ADI1: variants seen among roughly 807,000 people sequenced by gnomAD.
The protein encoded by ADI1 is acireductone dioxygenase 1, also known as acireductone dioxygenase.
In ADI1, 21 loss-of-function variants were observed where a neutral mutation model predicts 18.7. The observed-to-expected ratio is 1.13, with a 90% CI of 0.80 to 1.62. The LOEUF (loss-of-function observed/expected upper bound fraction) is 1.62, where lower values mean the gene tolerates loss of function less well. Among genes scored for constraint, ADI1 ranks in the 40% most tolerant of loss-of-function variants. ADI1 has a pLI of 0.00. For synonymous variants in ADI1, 90 were observed against 100.1 expected (o/e 0.90, Z 0.60); for missense variants, 245 against 254.9 (o/e 0.96, Z 0.26).
At chr2:3,516,849 CTG>C (rs1667420075) in intron 1 of ADI1, 1 of 985,232 alleles carries the variant, frequency 1.0e-6, no homozygotes, top group Admixed American at 6.1e-5. Context: ...TGTGTTACCT[CTG>C]TTAAAAATTA....
At chr2:3,500,724 T>A (rs770072595) in intron 3 of ADI1, 90 bp downstream of exon 3, 2 of 1,568,534 alleles carry the variant, frequency 1.3e-6, no homozygotes, top group East Asian at 2.3e-5. Context: ...GCGCTTGGAG[T>A]CTGCGGAAGC....
At chr2:3,514,837 T>C in intron 1 of ADI1, 2 of 1,549,062 alleles carry the variant, frequency 1.3e-6, no homozygotes, top group Non-Finnish European at 1.7e-6. Flanking sequence ...TTGCAGGAAG[T>C]CAGGGACCCC....
intron 3 of ADI1, 111 bp downstream of exon 3, chr2:3,500,703 G>T: frequency 7.1e-7 from 1 of 1,415,726 alleles, no homozygotes; most frequent in Non-Finnish European, 9.9e-7. Context: ...GGAGTCCCGA[G>T]CCCAGCGACC....
At chr2:3,513,813 A>C in intron 2 of ADI1, 44 bp downstream of exon 2, 2 of 1,562,756 alleles carry the variant, frequency 1.3e-6, no homozygotes, top group Non-Finnish European at 1.7e-6. Flanking sequence ...ATTAGTAGTG[A>C]ATATAATGAT....
chr2:3,509,893 C>T (rs1667259456), intron 2 of ADI1, among the ~76,000 whole-genome samples: 1 of 151,656 alleles, frequency 6.6e-6, no homozygotes, highest in South Asian at 2.1e-4. Flanking sequence ...CCTGTAATCC[C>T]AGCACTTTGG....
At chr2:3,510,216 G>A (rs1462230351) in intron 2 of ADI1, among the ~76,000 whole-genome samples, 2 of 151,812 alleles carry the variant, frequency 1.3e-5, no homozygotes, top group African/African-American at 2.4e-5. Flanking sequence ...TCAGGAGGCC[G>A]AAGTGGGAGG....
At chr2:3,519,305 G>C (rs1255337096) in intron 1 of ADI1, 63 bp downstream of exon 1, 1 of 1,338,964 alleles carries the variant, frequency 7.5e-7, no homozygotes, top group Non-Finnish European at 9.5e-7. Context: ...AGGAGGCTGG[G>C]CTGTGCGCGG....
rs1249168740 is a variant in ADI1, at chr2:3,513,887, G to A, written c.210C>T (p.Cys70=). 2.5e-6 allele frequency: 4 copies of A among 1,607,440 alleles called. No individual in the cohort carries two copies. The highest frequency in any genetic ancestry group is 3.4e-6 in the Non-Finnish European group (4 of 1,178,636). The change falls in exon 2 of 4, where the codon TGC becomes TGT. Residue 70 remains cysteine, a synonymous_variant. Transcript: ENST00000327435. ...CTTCATAATTTGGTAGTTTATCTTT[G>A]CATATGGTTATGATGTCCATCCAGG... The part of the protein sequence containing the change: ...NYSWMDIITI[C]KDKLPNYEEK...
intron 2 of ADI1, among the ~76,000 whole-genome samples, chr2:3,507,868 G>A (rs1667208750): frequency 6.6e-6 from 1 of 152,142 alleles, no homozygotes; most frequent in Non-Finnish European, 1.5e-5. Context: ...CAGCAACATT[G>A]TAAGAGATGG....
chr2:3,519,163 C>T (rs982018430), intron 1 of ADI1: 17 of 666,432 alleles, frequency 2.6e-5, no homozygotes, highest in African/African-American at 1.7e-4. Flanking sequence ...GCGCAGGAGG[C>T]CCTGACCACC....
At position 3,498,997 on chromosome 2, in the gene ADI1, C is replaced by T. The variant is rs1666928981; in HGVS notation, c.506G>A (p.Gly169Glu). 6.2e-7 allele frequency: 1 copy of T among 1,613,850 alleles called. No individual in the cohort carries two copies. Among genetic ancestry groups the T allele is most frequent in the African/African-American group, 1.3e-5 (1 of 74,926 alleles). Residue 169 changes from glycine to glutamate, a missense_variant, in exon 4 of 4, where the codon GGG (glycine) becomes GAG (glutamate). Transcript: ENST00000327435. ...CTGTGCCAGAAATTTCACGTACTGC[C>T]CGCGGGCTTCAAAATGGTCAGCGGG... ...NRPADHFEAR[G>E]QYVKFLAQTA
At chr2:3,510,736 G>GA (rs1667279721) in intron 2 of ADI1, among the ~76,000 whole-genome samples, 1 of 152,050 alleles carries the variant, frequency 6.6e-6, no homozygotes, top group Non-Finnish European at 1.5e-5. Flanking sequence ...GCTCATTCAA[G>GA]AAAAAATGGG....
intron 1 of ADI1, chr2:3,516,998 T>C: frequency 1.1e-6 from 1 of 941,494 alleles, no homozygotes; most frequent in Non-Finnish European, 1.3e-6. Flanking sequence ...AGTGCTGGGA[T>C]GACAGAAGCC....
intron 2 of ADI1, among the ~76,000 whole-genome samples, chr2:3,508,330 G>C (rs1667218423): frequency 1.9e-5 from 1 of 52,668 alleles, no homozygotes; most frequent in Middle Eastern, 0.019. Flanking sequence ...GTGAGACTCT[G>C]TCTCAAAAAA....
chr2:3,513,801 C>T lies in ADI1; in HGVS notation c.240+56G>A, dbSNP rs1667340973. ...AGAAAAAAGAAAGAAAATATTGCGTCTATTAGTAGTGAATATAATGATACT... is the reference window on the plus strand; with the variant it reads ...AGAAAAAAGAAAGAAAATATTGCGTTTATTAGTAGTGAATATAATGATACT... On this transcript the variant is annotated intron_variant, in intron 2 of 3. Transcript: ENST00000327435. 5.2e-6 allele frequency: 8 copies of T among 1,525,458 alleles called. 1 individual carries two copies. Among genetic ancestry groups the T allele is most frequent in the Non-Finnish European group, 7.0e-6 (8 of 1,139,512 alleles). The allele number at this position is 1,525,458 out of a possible 1,614,324, so 94.5% of individuals were successfully genotyped here.
intron 3 of ADI1, chr2:3,500,574 G>A (rs1201193520): frequency 1.7e-6 from 1 of 604,826 alleles, no homozygotes. Flanking sequence ...GCCTGGGTAT[G>A]AAATGCACAC....
At chr2:3,504,173 T>C (rs11127436) in intron 2 of ADI1, among the ~76,000 whole-genome samples, 76,352 of 152,084 alleles carry the variant, frequency 0.5, 22,411 homozygotes, top group African/African-American at 0.83. Context: ...ACATCAGCAG[T>C]GAGGGGCCCT....
rs752327437 is a variant in ADI1 at position 3,499,028 on chromosome 2, T to C, written c.475A>G (p.Asn159Asp). The change falls in exon 4 of 4, where the codon AAC (asparagine) becomes GAC (aspartate). Residue 159 changes from asparagine (N) to aspartate (D), a missense_variant. Physicochemically the swap from Asn to Asp is conservative, Grantham distance 23. Coordinates refer to ENST00000327435, the MANE Select transcript of ADI1 (RefSeq NM_018269.4). The part of the protein sequence containing the change: ...FVGEPVWTAY[N>D]RPADHFEARG... Reference sequence around the variant, plus strand: ...GCTTCAAAATGGTCAGCGGGCCGGTTGTACGCTGTCCACACCGGTTCTCCC... The same window carrying C: ...GCTTCAAAATGGTCAGCGGGCCGGTCGTACGCTGTCCACACCGGTTCTCCC... 3 of 1,614,152 alleles carry C rather than the reference T, an allele frequency of 1.9e-6. No homozygotes were observed. In the South Asian group the frequency reaches 3.3e-5, roughly 18 times the overall value.
At chr2:3,510,462 C>T (rs1223644916) in intron 2 of ADI1, among the ~76,000 whole-genome samples, 4 of 151,812 alleles carry the variant, frequency 2.6e-5, no homozygotes, top group Admixed American at 2.6e-4. Context: ...AGAGCAGAAT[C>T]CAATGAAACA....
Sources: gnomAD v4.1 joint callset for allele counts (sites outside exome capture counted in the v4.1 genomes callset) on GRCh38, gnomAD v4.1.1 for gene constraint, MANE v1.5 for transcripts, NCBI Gene and HGNC (gene_info 2026-07-23, HGNC 2026-07-21) for gene names.